EPB41: variants seen among roughly 807,000 people sequenced by gnomAD.
EPB41 encodes erythrocyte membrane protein band 4.1, also known as protein 4.1.
In EPB41, 65 loss-of-function variants were observed where a neutral mutation model predicts 108.0. The ratio of observed to expected loss-of-function variants is 0.60; its 90% confidence interval spans 0.49 to 0.74. The LOEUF (loss-of-function observed/expected upper bound fraction) is 0.74, where lower values mean the gene tolerates loss of function less well. Among genes scored for constraint, EPB41 ranks in the 30% least tolerant of loss-of-function variants. The pLI, the probability that EPB41 is intolerant of heterozygous loss-of-function variation, is 0.00. For synonymous variants in EPB41, 336 were observed against 358.9 expected (o/e 0.94, Z 0.72); for missense variants, 875 against 1,037.0 (o/e 0.84, Z 2.15).
chr1:28,915,194 G>A (rs1054537808), intron 1 of EPB41, among the ~76,000 whole-genome samples: 1 of 152,190 alleles, frequency 6.6e-6, no homozygotes, highest in Non-Finnish European at 1.5e-5. Flanking sequence ...AGGGAGCTGG[G>A]CTGTCTGCAG....
chr1:29,081,797 T>C (rs1656764545), intron 16 of EPB41, among the ~76,000 whole-genome samples: 2 of 146,966 alleles, frequency 1.4e-5, no homozygotes, highest in African/African-American at 5.0e-5. Context: ...ATCACACCAT[T>C]GCACTCCAGC....
intron 1 of EPB41, among the ~76,000 whole-genome samples, chr1:28,907,078 T>C (rs2147967396): frequency 6.6e-6 from 1 of 151,326 alleles, no homozygotes; most frequent in East Asian, 2.0e-4. Flanking sequence ...GCCTTTTTTT[T>C]TTTTGAGATG....
At chr1:28,967,245 C>T (rs896394123) in intron 1 of EPB41, among the ~76,000 whole-genome samples, 3 of 152,092 alleles carry the variant, frequency 2.0e-5, no homozygotes, top group African/African-American at 7.2e-5. Flanking sequence ...GTCTCGATTT[C>T]CTGACCTCGT....
chr1:29,069,423 A>ATAAACC, intron 16 of EPB41: 1 of 1,226,562 alleles, frequency 8.2e-7, no homozygotes. Context: ...AAAGTAATGT[A>ATAAACC]TAAACCTTCA....
At chr1:28,938,399 A>G (rs1051723444) in intron 1 of EPB41, among the ~76,000 whole-genome samples, 3 of 152,198 alleles carry the variant, frequency 2.0e-5, no homozygotes, top group African/African-American at 4.8e-5. Flanking sequence ...ATAGTTTTCA[A>G]TGCAAATCTT....
intron 1 of EPB41, among the ~76,000 whole-genome samples, chr1:28,924,666 G>A (rs1342332518): frequency 6.6e-6 from 1 of 152,190 alleles, no homozygotes; most frequent in Non-Finnish European, 1.5e-5. Flanking sequence ...TTATTGTAAA[G>A]TAATAGATAA....
chr1:28,993,593 C>A, intron 3 of EPB41, 51 bp downstream of exon 3: 1 of 1,550,748 alleles, frequency 6.4e-7, no homozygotes, highest in Non-Finnish European at 8.9e-7. Context: ...GTGGTTTCAT[C>A]TAGAGTTGCG....
chr1:28,974,688 C>T (rs1025585456), intron 1 of EPB41, among the ~76,000 whole-genome samples: 1 of 152,032 alleles, frequency 6.6e-6, no homozygotes, highest in Admixed American at 6.6e-5. Context: ...GATTGAGCCA[C>T]TTATGGGAAC....
At position 29,018,205 on chromosome 1, in the gene EPB41, T is replaced by C; in HGVS notation, c.906-19T>C. On this transcript the variant is annotated intron_variant, in intron 6 of 20. Transcript: ENST00000343067. The surrounding 1 kb of genome is among the most constrained non-coding windows in gnomAD (Gnocchi z 4.4). ...GTTGTTGTTGTTGCTGACATAACAT[T>C]TTTCTCTTTTGGCTGTAGATATTAT... 6.2e-7 allele frequency: 1 copy of C among 1,610,910 alleles called. No individual in the cohort carries two copies. The highest frequency in any genetic ancestry group is 8.5e-7 in the Non-Finnish European group (1 of 1,177,174).
chr1:28,947,455 T>C (rs1339849983), intron 1 of EPB41, among the ~76,000 whole-genome samples: 1 of 151,074 alleles, frequency 6.6e-6, no homozygotes, highest in Non-Finnish European at 1.5e-5. Context: ...ACAAACGGCC[T>C]TTTAATCTCT....
intron 16 of EPB41, among the ~76,000 whole-genome samples, chr1:29,078,430 C>T (rs890983925): frequency 4.6e-5 from 7 of 152,120 alleles, no homozygotes; most frequent in Admixed American, 3.9e-4. Flanking sequence ...ACATTCATTT[C>T]TATTAAGCAG....
chr1:28,918,738 A>G (rs981278004), intron 1 of EPB41, among the ~76,000 whole-genome samples: 3 of 152,240 alleles, frequency 2.0e-5, no homozygotes, highest in Non-Finnish European at 2.9e-5. Flanking sequence ...CCTGGGCAAC[A>G]GAGTGAAATT....
At position 28,971,764 on chromosome 1, in the gene EPB41, G is replaced by A. The variant is rs568755459; in HGVS notation, c.-7-15667G>A. Reference sequence around the variant, plus strand: ...TAGCCTATGAGGACATTAGCACTGCGTAGTAATTCAGGTTCATAATGATGA... The same window carrying A: ...TAGCCTATGAGGACATTAGCACTGCATAGTAATTCAGGTTCATAATGATGA... On this transcript the variant is annotated intron_variant, in intron 1 of 20. Transcript: ENST00000343067. 7.2e-5 allele frequency among the ~76,000 whole-genome samples: 11 copies of A among 152,162 alleles called. No individual in the cohort carries two copies. In the South Asian group the frequency reaches 8.3e-4, roughly 12 times the overall value.
chr1:28,918,123 A>G (rs1188096455), intron 1 of EPB41, among the ~76,000 whole-genome samples: 1 of 152,146 alleles, frequency 6.6e-6, no homozygotes, highest in Non-Finnish European at 1.5e-5. Context: ...GCAGGACAGC[A>G]TAAGTGTTGC....
upstream of EPB41, among the ~76,000 whole-genome samples, chr1:28,910,345 C>T (rs565854491): frequency 5.9e-5 from 9 of 152,260 alleles, no homozygotes; most frequent in Admixed American, 1.3e-4. Flanking sequence ...GATTTTTTAT[C>T]CTGCCATAGG....
At chr1:29,087,151 C>T (rs948373166) in intron 16 of EPB41, among the ~76,000 whole-genome samples, 1 of 151,942 alleles carries the variant, frequency 6.6e-6, no homozygotes. Context: ...CCATGTTAGC[C>T]AGGATGGTCT....
chr1:29,090,275 T>C (rs1205260923), intron 16 of EPB41, among the ~76,000 whole-genome samples: 1 of 151,952 alleles, frequency 6.6e-6, no homozygotes, highest in Non-Finnish European at 1.5e-5. Flanking sequence ...AATGTGGGAA[T>C]TGATGAGGGA....
At chr1:28,943,832 G>A (rs1209793961) in intron 1 of EPB41, among the ~76,000 whole-genome samples, 2 of 152,132 alleles carry the variant, frequency 1.3e-5, no homozygotes, top group Admixed American at 1.3e-4. Flanking sequence ...ATATTGAGCT[G>A]CCATATGATC....
chr1:29,097,829 C>G lies in EPB41; in HGVS notation c.2207C>G (p.Thr736Ser), dbSNP rs1237979474. 3.7e-6 allele frequency: 6 copies of G among 1,614,044 alleles called. No homozygotes were observed. Among genetic ancestry groups the G allele is most frequent in the Non-Finnish European group, 4.2e-6 (5 of 1,179,906 alleles). ...GEGPPLVKTQ[T>S]VTISDNANAV... The stretch of plus-strand genomic sequence containing the variant: ...CAGCCTCCCCTGGTGAAGACACAAA[C>G]TGTCACCATCTCAGATAATGCCAAT... The change falls in exon 17 of 21, where the codon ACT becomes AGT. Residue 736 changes from threonine (T) to serine (S), a missense_variant. Thr to Ser is a moderately conservative substitution (Grantham distance 58). This residue lies in a region of EPB41 where 519 missense variants were observed against 627.3 expected (regional missense o/e 0.83). Coordinates refer to ENST00000343067, the MANE Select transcript of EPB41 (RefSeq NM_001376013.1).
Sources: allele counts gnomAD v4.1 joint callset (sites outside exome capture counted in the v4.1 genomes callset), GRCh38; gene constraint gnomAD v4.1.1; regional missense constraint gnomAD v4.1.1; non-coding constraint Gnocchi (gnomAD v3.1); transcripts MANE v1.5; gene names NCBI Gene and HGNC (gene_info 2026-07-23, HGNC 2026-07-21).